AFG2A: variants seen among roughly 807,000 people sequenced by gnomAD.
The protein encoded by AFG2A is AAA ATPase AFG2A, also known as ATPase family gene 2 protein homolog A.
chr4:123,137,060 T>A, the AFG2A span, among the ~76,000 whole-genome samples: 1 of 152,092 alleles, frequency 6.6e-6, no homozygotes, highest in African/African-American at 2.4e-5. Context: ...ACAACGTAGA[T>A]ACCTTGCACG....
At chr4:123,041,843 A>G in the AFG2A span, among the ~76,000 whole-genome samples, 7 of 152,180 alleles carry the variant, frequency 4.6e-5, no homozygotes, top group African/African-American at 1.7e-4. Context: ...CAGTTTTTCA[A>G]AAAGATTAAT....
the AFG2A span, among the ~76,000 whole-genome samples, chr4:122,991,635 T>C: frequency 0.82 from 124,664 of 152,160 alleles, 52,566 homozygotes; most frequent in East Asian, 0.96. Flanking sequence ...AGTTGTTTTG[T>C]AAATTTAGGC....
the AFG2A span, among the ~76,000 whole-genome samples, chr4:123,049,784 T>G: frequency 1.3e-5 from 2 of 152,064 alleles, no homozygotes; most frequent in Non-Finnish European, 2.9e-5. Context: ...TTTCATTTGT[T>G]GATCTTTTAT....
chr4:123,299,406 T>G, the AFG2A span, among the ~76,000 whole-genome samples: 1 of 152,194 alleles, frequency 6.6e-6, no homozygotes, highest in Non-Finnish European at 1.5e-5. Context: ...AGTTTAGTGA[T>G]TAGATCTCCA....
chr4:123,076,727 G>A, the AFG2A span, among the ~76,000 whole-genome samples: 1 of 151,662 alleles, frequency 6.6e-6, no homozygotes, highest in Non-Finnish European at 1.5e-5. Context: ...TTTTGCTTTT[G>A]ACCCCCAAAA....
At chr4:123,063,185 G>A in the AFG2A span, among the ~76,000 whole-genome samples, 2 of 152,004 alleles carry the variant, frequency 1.3e-5, no homozygotes, top group Non-Finnish European at 2.9e-5. Flanking sequence ...TTGGCTATTT[G>A]AATTGAACAC....
the AFG2A span, among the ~76,000 whole-genome samples, chr4:123,001,907 T>G: frequency 4.6e-5 from 7 of 152,312 alleles, no homozygotes; most frequent in Middle Eastern, 3.4e-3. Context: ...AGTGGGGTGT[T>G]AAAGTCTCCC....
At chr4:123,248,326 A>C in the AFG2A span, among the ~76,000 whole-genome samples, 4 of 152,176 alleles carry the variant, frequency 2.6e-5, no homozygotes, top group African/African-American at 4.8e-5. Context: ...TTATTTTATT[A>C]GTCTCTAAAG....
chr4:123,220,775 A>G, the AFG2A span, among the ~76,000 whole-genome samples: 3 of 152,152 alleles, frequency 2.0e-5, no homozygotes, highest in South Asian at 2.1e-4. Flanking sequence ...TCAGCTTATA[A>G]TGGTTAATCA....
At chr4:123,019,340 A>G in the AFG2A span, among the ~76,000 whole-genome samples, 1 of 152,130 alleles carries the variant, frequency 6.6e-6, no homozygotes, top group African/African-American at 2.4e-5. Flanking sequence ...TCAAAAAAGT[A>G]TGAAGTTAAA....
the AFG2A span, among the ~76,000 whole-genome samples, chr4:123,170,170 T>C: frequency 6.6e-6 from 1 of 152,214 alleles, no homozygotes; most frequent in Non-Finnish European, 1.5e-5. Context: ...TAAACAAAGC[T>C]GGAGGCGCTA....
the AFG2A span, among the ~76,000 whole-genome samples, chr4:123,039,547 C>G: frequency 1.3e-5 from 2 of 152,102 alleles, no homozygotes; most frequent in South Asian, 4.2e-4. Context: ...CACAGTCCCC[C>G]TTGTGTAAAA....
the AFG2A span, among the ~76,000 whole-genome samples, chr4:123,220,088 C>G: frequency 2.6e-5 from 4 of 152,044 alleles, no homozygotes; most frequent in African/African-American, 4.8e-5. Context: ...CCGGGATGGT[C>G]TCGATCTCTT....
chr4:123,197,080 AG>A, the AFG2A span, among the ~76,000 whole-genome samples: 1 of 152,186 alleles, frequency 6.6e-6, no homozygotes, highest in Non-Finnish European at 1.5e-5. Flanking sequence ...TCTTTTTGAA[AG>A]GGTTTTCTGA....
chr4:123,011,786 C>T, the AFG2A span, among the ~76,000 whole-genome samples: 2 of 151,960 alleles, frequency 1.3e-5, no homozygotes, highest in African/African-American at 2.4e-5. Flanking sequence ...TGGAAGGTTG[C>T]CTATAGTGAA....
the AFG2A span, among the ~76,000 whole-genome samples, chr4:123,128,864 C>T: frequency 1.3e-5 from 2 of 152,190 alleles, no homozygotes; most frequent in Admixed American, 6.5e-5. Context: ...TGTACTTCAG[C>T]TCTCACTCTA....
At chr4:123,004,265 T>G in the AFG2A span, among the ~76,000 whole-genome samples, 1 of 152,222 alleles carries the variant, frequency 6.6e-6, no homozygotes, top group African/African-American at 2.4e-5. Context: ...GCTTCCCGAG[T>G]GAGGAAATGC....
At chr4:123,287,161 A>G in the AFG2A span, among the ~76,000 whole-genome samples, 6 of 152,172 alleles carry the variant, frequency 3.9e-5, no homozygotes, top group Admixed American at 2.0e-4. Flanking sequence ...ACTTTCAGGA[A>G]CTACTTGCAG....
chr4:123,184,222 TA>T, the AFG2A span, among the ~76,000 whole-genome samples: 3 of 152,154 alleles, frequency 2.0e-5, no homozygotes, highest in Non-Finnish European at 4.4e-5. Flanking sequence ...TGATATCAAA[TA>T]ACTCTACCTG....
Sources: gnomAD v4.1 joint callset for allele counts (sites outside exome capture counted in the v4.1 genomes callset) on GRCh38, gnomAD v4.1.1 for gene constraint, MANE v1.5 for transcripts, NCBI Gene and HGNC (gene_info 2026-07-23, HGNC 2026-07-21) for gene names.